Variants in CTNNA2 observed in about 807,000 individuals in gnomAD.
The protein encoded by CTNNA2 is catenin alpha 2, also known as catenin alpha-2.
In CTNNA2, 42 loss-of-function variants were observed where a neutral mutation model predicts 101.0. The ratio of observed to expected loss-of-function variants is 0.42; its 90% CI spans 0.32 to 0.54. The LOEUF (loss-of-function observed/expected upper bound fraction) is 0.54. CTNNA2 is among the 20% of genes least tolerant of loss of function. The pLI is 0.14. For missense variants in CTNNA2, 871 were observed against 1,223.1 expected (o/e 0.71, Z 4.29); for synonymous variants, 450 against 456.4 (o/e 0.99, Z 0.18).
chr2:80,367,827 G>GTT (rs1318025821), intron 7 of CTNNA2, among the ~76,000 whole-genome samples: 1 of 152,004 alleles, frequency 6.6e-6, no homozygotes, highest in Non-Finnish European at 1.5e-5. Context: ...TTGTTGGTTT[G>GTT]TTTTTATCAT....
chr2:79,423,592 A>G (rs12469828), intron 4 of CTNNA2, among the ~76,000 whole-genome samples: 76,774 of 151,982 alleles, frequency 0.51, 19,487 homozygotes, highest in Middle Eastern at 0.67. Flanking sequence ...AATGGTCTCT[A>G]CCTGACCATG....
chr2:79,294,241 G>GAAGAAGAAGAAGAA (rs397973299), intron 2 of CTNNA2, among the ~76,000 whole-genome samples: 14 of 133,250 alleles, frequency 1.1e-4, no homozygotes, highest in African/African-American at 3.7e-4. Flanking sequence ...AAGAAGAAGA[G>GAAGAAGAAGAAGAA]GAGGAGGAGG....
intron 9 of CTNNA2, among the ~76,000 whole-genome samples, chr2:80,423,599 C>T (rs1680725244): frequency 6.6e-6 from 1 of 151,990 alleles, no homozygotes; most frequent in Non-Finnish European, 1.5e-5. Flanking sequence ...TGGGGCGGCT[C>T]CACAGATGGC....
chr2:79,871,871 C>G (rs535709748), intron 5 of CTNNA2, among the ~76,000 whole-genome samples: 1 of 152,088 alleles, frequency 6.6e-6, no homozygotes, highest in African/African-American at 2.4e-5. Context: ...TTAAAAGCCA[C>G]GAGAATATAT....
At chr2:80,034,062 G>GA (rs202116025) in intron 7 of CTNNA2, among the ~76,000 whole-genome samples, 4,976 of 148,526 alleles carry the variant, frequency 0.034, 123 homozygotes, top group Admixed American at 0.057. Flanking sequence ...AAATATGACT[G>GA]AAAATCCATT....
At chr2:79,559,812 A>G (rs114142184) in intron 1 of CTNNA2, among the ~76,000 whole-genome samples, 2,680 of 152,036 alleles carry the variant, frequency 0.018, 41 homozygotes, top group Non-Finnish European at 0.027. Context: ...ATAGTGGTGA[A>G]GATGATAAAA....
In CTNNA2 at chr2:80,398,108, C is replaced by A. The variant is rs564627703; in HGVS notation, c.1137+4817C>A. 2.0e-5 allele frequency among the ~76,000 whole-genome samples: 3 copies of A among 152,256 alleles called. No individual in the cohort carries two copies. In the East Asian group the frequency reaches 5.8e-4, roughly 29 times the overall value. ...TCTTGGGTCTCCAGCTGTTATGGTTCATTGGATTCTCTTTTTAAAAAGTGC... is the reference window on the plus strand; with the variant it reads ...TCTTGGGTCTCCAGCTGTTATGGTTAATTGGATTCTCTTTTTAAAAAGTGC... On this transcript the variant is annotated intron_variant, in intron 8 of 18. Coordinates refer to ENST00000402739, the MANE Select transcript of CTNNA2 (RefSeq NM_001282597.3).
At chr2:79,556,236 C>T (rs2104093611) in intron 1 of CTNNA2, among the ~76,000 whole-genome samples, 1 of 152,106 alleles carries the variant, frequency 6.6e-6, no homozygotes, top group Admixed American at 6.6e-5. Context: ...TCTGTCCTGT[C>T]ACCATTGGCA....
At chr2:80,540,207 G>T (rs946432485) in intron 9 of CTNNA2, among the ~76,000 whole-genome samples, 1 of 152,074 alleles carries the variant, frequency 6.6e-6, no homozygotes, top group African/African-American at 2.4e-5. Context: ...GACCATGTAG[G>T]AGAAAATATT....
chr2:79,780,410 T>C lies in CTNNA2; in HGVS notation c.298+35828T>C, dbSNP rs76979958. On this transcript the variant is annotated intron_variant, in intron 3 of 18. Transcript: ENST00000402739. ...TTGACTACCAGACATCTGAGGAACTTTGGAGACCTCAAAGAATCTTAGAGA... is the reference window on the plus strand; with the variant it reads ...TTGACTACCAGACATCTGAGGAACTCTGGAGACCTCAAAGAATCTTAGAGA... Among the ~76,000 whole-genome samples, 2,083 of 152,336 alleles carry C rather than the reference T, an allele frequency of 0.014. 123 individuals are homozygous for C. The East Asian group carries it at 0.17, about 12-fold the overall frequency.
intron 9 of CTNNA2, among the ~76,000 whole-genome samples, chr2:80,475,284 G>T (rs1685641626): frequency 6.6e-6 from 1 of 152,040 alleles, no homozygotes; most frequent in African/African-American, 2.4e-5. Context: ...AGCATACTGG[G>T]TTTTATATTT....
intron 2 of CTNNA2, among the ~76,000 whole-genome samples, chr2:79,304,274 T>C (rs1017958026): frequency 1.3e-5 from 2 of 152,182 alleles, no homozygotes; most frequent in African/African-American, 4.8e-5. Flanking sequence ...CAAGGCAACA[T>C]AAAGTTATAA....
intron 2 of CTNNA2, among the ~76,000 whole-genome samples, chr2:79,672,942 A>G (rs1203355874): frequency 6.6e-6 from 1 of 152,066 alleles, no homozygotes; most frequent in South Asian, 2.1e-4. Context: ...TTCTGACCTC[A>G]GGTGATCTGC....
chr2:79,261,215 T>C (rs1025543409), intron 2 of CTNNA2, among the ~76,000 whole-genome samples: 1 of 152,134 alleles, frequency 6.6e-6, no homozygotes, highest in African/African-American at 2.4e-5. Flanking sequence ...ATTTACTCCT[T>C]CCCATCCATA....
In CTNNA2 at chr2:79,984,346, T is replaced by C. The variant is rs59866346; in HGVS notation, c.1056+74549T>C. ...TCTGAGAAGAGAGAAAAGAGTTAGTTATTGATGGGGGCATTGATCCAAGTC... is the reference window on the plus strand; with the variant it reads ...TCTGAGAAGAGAGAAAAGAGTTAGTCATTGATGGGGGCATTGATCCAAGTC... On this transcript the variant is annotated intron_variant, in intron 7 of 18. Transcript: ENST00000402739. 1.6e-4 allele frequency among the ~76,000 whole-genome samples: 24 copies of C among 152,280 alleles called. No individual in the cohort carries two copies. The East Asian group carries it at 3.7e-3, about 23-fold the overall frequency.
intron 7 of CTNNA2, among the ~76,000 whole-genome samples, chr2:80,089,399 G>C (rs543508684): frequency 2.0e-5 from 3 of 151,896 alleles, no homozygotes; most frequent in Admixed American, 2.0e-4. Context: ...TTAGAATCTC[G>C]GTTTCTTCTT....
intron 4 of CTNNA2, among the ~76,000 whole-genome samples, chr2:79,445,156 A>T (rs541109206): frequency 1.1e-4 from 16 of 152,206 alleles, no homozygotes; most frequent in African/African-American, 3.6e-4. Context: ...TTTTTGATAC[A>T]TTTTTTTCCT....
intron 7 of CTNNA2, among the ~76,000 whole-genome samples, chr2:80,225,036 A>G (rs6547299): frequency 0.66 from 100,218 of 151,948 alleles, 33,939 homozygotes; most frequent in African/African-American, 0.82. Flanking sequence ...CATGGACCCC[A>G]TTCTAGTGTG....
At chr2:79,311,408 C>CAAAA (rs753633073) in intron 2 of CTNNA2, among the ~76,000 whole-genome samples, 5,612 of 66,780 alleles carry the variant, frequency 0.084, 289 homozygotes, top group Non-Finnish European at 0.11. Context: ...GACTCCGTCT[C>CAAAA]AAAAAAAAAA....
Sources: gnomAD v4.1 joint callset for allele counts (sites outside exome capture counted in the v4.1 genomes callset) on GRCh38, gnomAD v4.1.1 for gene constraint, MANE v1.5 for transcripts, NCBI Gene and HGNC (gene_info 2026-07-23, HGNC 2026-07-21) for gene names.